The following RPL37 variants were observed in gnomAD, a reference collection of about 807,000 sequenced individuals.
RPL37 encodes ribosomal protein L37.
RPL37 carries 1 observed loss-of-function variant against 14.8 expected under a neutral mutation model. The ratio of observed to expected loss-of-function variants is 0.07; its 90% CI spans 0.02 to 0.32. The LOEUF is 0.32. Among genes scored for constraint, RPL37 ranks in the 10% least tolerant of loss-of-function variants. RPL37 has a pLI of 1.00. For synonymous variants in RPL37, 53 were observed against 45.8 expected, an observed-to-expected ratio of 1.16 and a Z score of -0.63; for missense variants, 100 against 128.3, an observed-to-expected ratio of 0.78 and a Z score of 1.06.
chr5:40,825,894 CG>C lies in RPL37; in HGVS notation c.*6609del, dbSNP rs1385601355. On this transcript the variant is annotated 3_prime_UTR_variant, in exon 4 of 4. Coordinates refer to ENST00000274242, the MANE Select transcript of RPL37 (RefSeq NM_000997.5). Reference sequence around the variant, plus strand: ...CTAATTTTTGTATTTTTAGTGGAGACGGGGTTTCGCCATGTTGGCCAGGCTG... The same window carrying C: ...CTAATTTTTGTATTTTTAGTGGAGACGGGTTTCGCCATGTTGGCCAGGCTG... 1.3e-5 allele frequency: 2 copies of C among 152,012 alleles called. No individual in the cohort carries two copies. Among genetic ancestry groups the C allele is most frequent in the African/African-American group, 4.8e-5 (2 of 41,356 alleles). 9.4% of individuals were successfully genotyped at this position (152,012 alleles called of 1,614,324 possible).
rs1191267617 is a variant in RPL37, at chr5:40,828,307, T to C, written c.*4197A>G. On this transcript the variant is annotated 3_prime_UTR_variant, in exon 4 of 4. Transcript: ENST00000274242. ...ACTTATCACTATCTGCAATTGTCTA[T>C]TATGTCACCTTCCACAAACATACAT... 1.3e-5 allele frequency: 2 copies of C among 152,208 alleles called. No homozygotes were observed. Among genetic ancestry groups the C allele is most frequent in the South Asian group, 2.1e-4 (1 of 4,832 alleles). The allele number at this position is 152,208 out of a possible 1,614,324, so 9.4% of individuals were successfully genotyped here.
At position 40,831,750 on chromosome 5, in the gene RPL37, G is replaced by A. The variant is rs980639409; in HGVS notation, c.*754C>T. On this transcript the variant is annotated 3_prime_UTR_variant, in exon 4 of 4. Coordinates refer to ENST00000274242, the MANE Select transcript of RPL37 (RefSeq NM_000997.5). ...CAGCAAGTTTCAGTGCTTTAACACA[G>A]AAACACCCAATTACCAAGTTGAGGG... 1 of 152,246 alleles carries A rather than the reference G, an allele frequency of 6.6e-6. No homozygotes were observed. Among genetic ancestry groups the A allele is most frequent in the Non-Finnish European group, 1.5e-5 (1 of 68,012 alleles). 9.4% of individuals were successfully genotyped at this position (152,246 alleles called of 1,614,324 possible).
intron 1 of RPL37, 105 bp downstream of exon 1, chr5:40,835,078 A>G (rs542214894): frequency 7.3e-6 from 11 of 1,506,680 alleles, no homozygotes; most frequent in Non-Finnish European, 1.0e-5. Context: ...CCAGCCCACC[A>G]GTTCCCCTTA....
In RPL37 at chr5:40,835,211, A is replaced by G. The variant is rs28365922; in HGVS notation, c.-26T>C. On this transcript the variant is annotated 5_prime_UTR_variant, in exon 1 of 4. Transcript: ENST00000274242. ...CTCGCTTCTGCGGCCGAGACCAGAA[A>G]GACCGGAAGAGAAGGCACTTCCGCT... 5.0e-6 allele frequency: 8 copies of G among 1,613,800 alleles called. No individual in the cohort carries two copies. In the East Asian group the frequency reaches 8.9e-5, roughly 18 times the overall value.
rs1371740585 is a variant in RPL37 at position 40,831,340 on chromosome 5, AAG to A, written c.*1162_*1163del. On this transcript the variant is annotated 3_prime_UTR_variant, in exon 4 of 4. Coordinates refer to ENST00000274242, the MANE Select transcript of RPL37 (RefSeq NM_000997.5). ...AGTCTCACATTTCGGGAGGAAGCCC[AAG>A]AGAGATTTAATCAGCAGGGTTTCTT... 6.6e-6 allele frequency: 1 copy of A among 152,362 alleles called. No homozygotes were observed. The highest frequency in any genetic ancestry group is 1.5e-5 in the Non-Finnish European group (1 of 68,040). The allele number at this position is 152,362 out of a possible 1,614,324, so 9.4% of individuals were successfully genotyped here.
In RPL37 at chr5:40,828,198, C is replaced by T. The variant is rs1745558365; in HGVS notation, c.*4306G>A. 6.6e-6 allele frequency: 1 copy of T among 152,134 alleles called. No individual in the cohort carries two copies. Among genetic ancestry groups the T allele is most frequent in the Non-Finnish European group, 1.5e-5 (1 of 68,042 alleles). 9.4% of individuals were successfully genotyped at this position (152,134 alleles called of 1,614,324 possible). ...CATTCAGGTAAAGACAAAAGAATGG[C>T]TCCTTATCATTCAACTTAACCAACC... On this transcript the variant is annotated 3_prime_UTR_variant, in exon 4 of 4. Transcript: ENST00000274242.
intron 2 of RPL37, 73 bp downstream of exon 2, chr5:40,834,398 T>C (rs1745716580): frequency 1.9e-6 from 3 of 1,588,370 alleles, no homozygotes; most frequent in East Asian, 4.5e-5. Context: ...CCAAATAAAG[T>C]TCAAACCTAT....
chr5:40,828,794 G>C lies in RPL37; in HGVS notation c.*3710C>G, dbSNP rs960901841. 1 of 152,164 alleles carries C rather than the reference G, an allele frequency of 6.6e-6. No homozygotes were observed. Among genetic ancestry groups the C allele is most frequent in the African/African-American group, 2.4e-5 (1 of 41,430 alleles). 9.4% of individuals were successfully genotyped at this position (152,164 alleles called of 1,614,324 possible). On this transcript the variant is annotated 3_prime_UTR_variant, in exon 4 of 4. Transcript: ENST00000274242. Reference sequence around the variant, plus strand: ...GCTAATTCTGCAACCACTGGAGTCAGAGGGCAGAAAACACATCTGGTTTTG... The same window carrying C: ...GCTAATTCTGCAACCACTGGAGTCACAGGGCAGAAAACACATCTGGTTTTG...
Position 40,828,980 on chromosome 5 carries a change from A to G in RPL37, c.*3524T>C, listed in dbSNP as rs1745576994. ...TTATCTTTTTGTTTTTGGAGTCTGTAAATTCACAAATGGTTTCCACCAATA... is the reference window on the plus strand; with the variant it reads ...TTATCTTTTTGTTTTTGGAGTCTGTGAATTCACAAATGGTTTCCACCAATA... On this transcript the variant is annotated 3_prime_UTR_variant, in exon 4 of 4. Coordinates refer to ENST00000274242, the MANE Select transcript of RPL37 (RefSeq NM_000997.5). The G allele has an allele frequency of 6.6e-6, 1 of 152,314 alleles. No homozygotes were observed. Among genetic ancestry groups the G allele is most frequent in the Non-Finnish European group, 1.5e-5 (1 of 68,034 alleles). 9.4% of individuals were successfully genotyped at this position (152,314 alleles called of 1,614,324 possible).
intron 2 of RPL37, 21 bp downstream of exon 2, chr5:40,834,450 G>T: frequency 1.2e-6 from 2 of 1,608,184 alleles, no homozygotes; most frequent in Non-Finnish European, 1.7e-6. Context: ...TAACACAGTT[G>T]GCCTGAAAAA....
Position 40,831,476 on chromosome 5 carries a change from T to A in RPL37, c.*1028A>T, listed in dbSNP as rs980689949. The A allele has an allele frequency of 6.6e-6, 1 of 152,308 alleles. No individual in the cohort carries two copies. The highest frequency in any genetic ancestry group is 2.4e-5 in the African/African-American group (1 of 41,428). The allele number at this position is 152,308 out of a possible 1,614,324, so 9.4% of individuals were successfully genotyped here. On this transcript the variant is annotated 3_prime_UTR_variant, in exon 4 of 4. Coordinates refer to ENST00000274242, the MANE Select transcript of RPL37 (RefSeq NM_000997.5). ...TTATAAAGCCATTCCAGGTTACAAG[T>A]AAAAGTGATACCCTTCCAAGGCCAG... is the stretch of plus-strand genomic sequence containing the variant.
chr5:40,834,234 A>G lies in RPL37; in HGVS notation c.171T>C (p.Asn57=), dbSNP rs768011704. The stretch of plus-strand genomic sequence containing the variant: ...GCCTCATTCGACCAGTTCCGGTGGT[A>G]TTTCGTCTTTTAGCCTTGGCACTCC... ...YNWSAKAKRR[N]TTGTGRMRHL... Residue 57 remains asparagine, a synonymous_variant, in exon 3 of 4, where the codon AAT becomes AAC. Transcript: ENST00000274242. 1 of 1,614,138 alleles carries G rather than the reference A, an allele frequency of 6.2e-7. No homozygotes were observed. Among genetic ancestry groups the G allele is most frequent in the Non-Finnish European group, 8.5e-7 (1 of 1,179,996 alleles).
rs1745572906 is a variant in RPL37 at position 40,828,803 on chromosome 5, A to G, written c.*3701T>C. 1 of 152,190 alleles carries G rather than the reference A, an allele frequency of 6.6e-6. No homozygotes were observed. Among genetic ancestry groups the G allele is most frequent in the Admixed American group, 6.6e-5 (1 of 15,260 alleles). The allele number at this position is 152,190 out of a possible 1,614,324, so 9.4% of individuals were successfully genotyped here. A position where few individuals can be genotyped will look rare whatever the true frequency, so the allele number is the denominator to read the frequency against. On this transcript the variant is annotated 3_prime_UTR_variant, in exon 4 of 4. Coordinates refer to ENST00000274242, the MANE Select transcript of RPL37 (RefSeq NM_000997.5). ...GCAACCACTGGAGTCAGAGGGCAGA[A>G]AACACATCTGGTTTTGCTCCCACTG... is the stretch of plus-strand genomic sequence containing the variant.
In RPL37 at chr5:40,832,270, T is replaced by G; in HGVS notation, c.*234A>C. 1.9e-6 allele frequency: 1 copy of G among 521,568 alleles called. No homozygotes were observed. The highest frequency in any genetic ancestry group is 3.5e-6 in the Non-Finnish European group (1 of 282,608). The allele number at this position is 521,568 out of a possible 1,614,324, so 32.3% of individuals were successfully genotyped here. ...TTCCAGTGCCCTCTGCTTCAAGGACTCCTGGAATTCTGCTTGTTTCTCATT... is the reference window on the plus strand; with the variant it reads ...TTCCAGTGCCCTCTGCTTCAAGGACGCCTGGAATTCTGCTTGTTTCTCATT... On this transcript the variant is annotated 3_prime_UTR_variant, in exon 4 of 4. Coordinates refer to ENST00000274242, the MANE Select transcript of RPL37 (RefSeq NM_000997.5).
At chr5:40,833,050 C>T (rs1745677330) in intron 3 of RPL37, among the ~76,000 whole-genome samples, 1 of 152,198 alleles carries the variant, frequency 6.6e-6, no homozygotes, top group South Asian at 2.1e-4. Context: ...GGTCAACTAT[C>T]CTACTTTTAA....
rs1745519248 is a variant in RPL37 at position 40,826,418 on chromosome 5, A to C, written c.*6086T>G. ...GTCATTTTTTAGAATCCTCAGCCAT[A>C]TCAAGGATACAGAAGGGGTCTAGGA... On this transcript the variant is annotated 3_prime_UTR_variant, in exon 4 of 4. Coordinates refer to ENST00000274242, the MANE Select transcript of RPL37 (RefSeq NM_000997.5). 2 of 152,154 alleles carry C rather than the reference A, an allele frequency of 1.3e-5. No homozygotes were observed. The highest frequency in any genetic ancestry group is 4.8e-5 in the African/African-American group (2 of 41,418). The allele number at this position is 152,154 out of a possible 1,614,324, so 9.4% of individuals were successfully genotyped here.
chr5:40,834,710 G>C, intron 1 of RPL37, 104 bp from the exon 2 acceptor site: 2 of 1,300,646 alleles, frequency 1.5e-6, no homozygotes, highest in Non-Finnish European at 2.1e-6. Context: ...CAATCGTAAA[G>C]ATCGAAACTG....
rs1264166406 is a variant in RPL37, at chr5:40,828,368, G to T, written c.*4136C>A. 1 of 152,132 alleles carries T rather than the reference G, an allele frequency of 6.6e-6. No homozygotes were observed. The highest frequency in any genetic ancestry group is 1.9e-4 in the East Asian group (1 of 5,190). The allele number at this position is 152,132 out of a possible 1,614,324, so 9.4% of individuals were successfully genotyped here. A position where few individuals can be genotyped will look rare whatever the true frequency, so the allele number is the denominator to read the frequency against. ...CATGATTGAAATCTGTCAGGGCAGGGTCTTTGTTTTGTTTTCCACTTAAAA... is the reference window on the plus strand; with the variant it reads ...CATGATTGAAATCTGTCAGGGCAGGTTCTTTGTTTTGTTTTCCACTTAAAA... On this transcript the variant is annotated 3_prime_UTR_variant, in exon 4 of 4. Transcript: ENST00000274242.
rs375640970 is a variant in RPL37, at chr5:40,832,423, T to C, written c.*81A>G. 63 of 1,192,790 alleles carry C rather than the reference T, an allele frequency of 5.3e-5. No individual in the cohort carries two copies. In the East Asian group the frequency reaches 9.8e-4, roughly 19 times the overall value. 73.9% of individuals were successfully genotyped at this position (1,192,790 alleles called of 1,614,324 possible). A position where few individuals can be genotyped will look rare whatever the true frequency, so the allele number is the denominator to read the frequency against. On this transcript the variant is annotated 3_prime_UTR_variant, in exon 4 of 4. Transcript: ENST00000274242. ...TATTTCACTGATACTACAAGCCTAATTGATTAAAAATACCTTACCAAAACC... is the reference window on the plus strand; with the variant it reads ...TATTTCACTGATACTACAAGCCTAACTGATTAAAAATACCTTACCAAAACC...
Sources: gnomAD v4.1 joint callset for allele counts (sites outside exome capture counted in the v4.1 genomes callset) on GRCh38, gnomAD v4.1.1 for gene constraint, MANE v1.5 for transcripts, NCBI Gene and HGNC (gene_info 2026-07-23, HGNC 2026-07-21) for gene names.